SLC24A2: variants seen among roughly 807,000 people sequenced by gnomAD.
SLC24A2 encodes the protein sodium/potassium/calcium exchanger 2.
A neutral mutation model predicts 62.0 loss-of-function variants in SLC24A2; 36 were observed. That is an observed-to-expected ratio of 0.58 (90% CI 0.44 to 0.77). SLC24A2 has a LOEUF of 0.77. Ranked by LOEUF, SLC24A2 falls within the 30% of genes least tolerant of loss-of-function variation. The probability of loss-of-function intolerance (pLI) is 0.00; values close to 1 mark genes in which losing one functional copy is unlikely to be tolerated. For missense variants in SLC24A2, 846 were observed against 817.9 expected, an observed-to-expected ratio of 1.03 and a Z score of -0.42; for synonymous variants, 358 against 294.0, an observed-to-expected ratio of 1.22 and a Z score of -2.23.
the SLC24A2 span, among the ~76,000 whole-genome samples, chr9:20,149,241 G>T: frequency 6.6e-6 from 1 of 151,984 alleles, no homozygotes; most frequent in Non-Finnish European, 1.5e-5. Context: ...TCTAATCTCA[G>T]TCCAGTTTGG....
the SLC24A2 span, among the ~76,000 whole-genome samples, chr9:19,830,089 GT>G: frequency 5.9e-5 from 9 of 152,010 alleles, no homozygotes; most frequent in Non-Finnish European, 1.3e-4. Flanking sequence ...CGGTGGATGA[GT>G]TTTTCTTGTA....
At chr9:19,934,612 C>A in the SLC24A2 span, among the ~76,000 whole-genome samples, 1 of 152,228 alleles carries the variant, frequency 6.6e-6, no homozygotes, top group Non-Finnish European at 1.5e-5. This position sits in a 1 kb window ranked among gnomAD's most constrained non-coding sequence, Gnocchi z 4.1. Context: ...AACAGGCAGC[C>A]AGCACCTCCT....
At chr9:19,683,157 T>G (rs967688859) in intron 2 of SLC24A2, among the ~76,000 whole-genome samples, 10 of 152,252 alleles carry the variant, frequency 6.6e-5, no homozygotes, top group Middle Eastern at 3.4e-3. Flanking sequence ...GTACATTAAC[T>G]ATTGAACACT....
At chr9:19,657,362 T>C (rs1046594480) in intron 2 of SLC24A2, among the ~76,000 whole-genome samples, 3 of 152,186 alleles carry the variant, frequency 2.0e-5, no homozygotes, top group African/African-American at 7.2e-5. Flanking sequence ...TCTCTGTGTA[T>C]TCTTTTTTTC....
chr9:20,009,118 G>T, the SLC24A2 span, among the ~76,000 whole-genome samples: 1 of 152,142 alleles, frequency 6.6e-6, no homozygotes, highest in Non-Finnish European at 1.5e-5. Flanking sequence ...TCTATAGTGG[G>T]AAAAGTGAGT....
chr9:19,698,816 AC>A (rs1820271245), intron 2 of SLC24A2, among the ~76,000 whole-genome samples: 2 of 152,108 alleles, frequency 1.3e-5, no homozygotes, highest in East Asian at 1.9e-4. Context: ...ACCCATAGAG[AC>A]CTTTTGTATG....
chr9:19,618,386 A>T (rs1376668348), intron 4 of SLC24A2, among the ~76,000 whole-genome samples: 1 of 152,206 alleles, frequency 6.6e-6, no homozygotes, highest in Non-Finnish European at 1.5e-5. Context: ...TAGTAAACAG[A>T]TCCCAGGACC....
At chr9:19,653,877 G>T (rs891194789) in intron 2 of SLC24A2, among the ~76,000 whole-genome samples, 5 of 152,154 alleles carry the variant, frequency 3.3e-5, no homozygotes, top group Non-Finnish European at 2.9e-5. Context: ...AAGGTGTTTT[G>T]TGAGTGATTC....
intron 2 of SLC24A2, among the ~76,000 whole-genome samples, chr9:19,728,647 C>T (rs1425483274): frequency 6.6e-6 from 1 of 151,492 alleles, no homozygotes; most frequent in African/African-American, 2.4e-5. Flanking sequence ...ATAACTGCTT[C>T]AAAAAAAATG....
chr9:19,882,951 A>G, the SLC24A2 span, among the ~76,000 whole-genome samples: 1 of 152,184 alleles, frequency 6.6e-6, no homozygotes, highest in South Asian at 2.1e-4. Flanking sequence ...AAATAATTGC[A>G]CTGTAAGAGA....
chr9:20,007,000 CTGTT>C, the SLC24A2 span, among the ~76,000 whole-genome samples: 3 of 152,138 alleles, frequency 2.0e-5, no homozygotes, highest in Admixed American at 2.0e-4. Flanking sequence ...TACTACATCA[CTGTT>C]TGTGTCAACA....
the SLC24A2 span, among the ~76,000 whole-genome samples, chr9:20,243,204 T>C: frequency 6.6e-6 from 1 of 152,190 alleles, no homozygotes; most frequent in Non-Finnish European, 1.5e-5. Flanking sequence ...TTTTGCACAA[T>C]TTTTAAAAAA....
At chr9:19,658,170 G>C (rs72501450) in intron 2 of SLC24A2, among the ~76,000 whole-genome samples, 271 of 152,290 alleles carry the variant, frequency 1.8e-3, no homozygotes, top group African/African-American at 6.1e-3. Flanking sequence ...CTTTCACTTG[G>C]GTTGATGACT....
At chr9:19,876,396 G>GTA in the SLC24A2 span, among the ~76,000 whole-genome samples, 1 of 150,262 alleles carries the variant, frequency 6.7e-6, no homozygotes, top group Admixed American at 6.6e-5. Context: ...GTGTGTGTGT[G>GTA]TGTGTGTACA....
At chr9:19,990,088 C>T in the SLC24A2 span, among the ~76,000 whole-genome samples, 1 of 152,082 alleles carries the variant, frequency 6.6e-6, no homozygotes, top group African/African-American at 2.4e-5. Context: ...TAAACATTTT[C>T]AATATTTTAG....
chr9:20,043,144 G>C, the SLC24A2 span, among the ~76,000 whole-genome samples: 1 of 152,178 alleles, frequency 6.6e-6, no homozygotes. Flanking sequence ...CATGTCGAAA[G>C]CTGAGACACG....
At chr9:19,687,875 T>A (rs1819930446) in intron 2 of SLC24A2, among the ~76,000 whole-genome samples, 1 of 152,116 alleles carries the variant, frequency 6.6e-6, no homozygotes, top group Non-Finnish European at 1.5e-5. Flanking sequence ...GTGCTTGCGT[T>A]ACTTAAATGT....
chr9:19,835,175 C>A, the SLC24A2 span, among the ~76,000 whole-genome samples: 1 of 152,134 alleles, frequency 6.6e-6, no homozygotes. Flanking sequence ...ACCTAATGAG[C>A]AAAATAACCA....
the SLC24A2 span, among the ~76,000 whole-genome samples, chr9:20,061,318 T>G: frequency 6.6e-6 from 1 of 151,712 alleles, no homozygotes; most frequent in Non-Finnish European, 1.5e-5. Flanking sequence ...AGAGTCTCAC[T>G]CTGTTGCCCA....
Sources: allele counts gnomAD v4.1 joint callset (sites outside exome capture counted in the v4.1 genomes callset), GRCh38; gene constraint gnomAD v4.1.1; non-coding constraint Gnocchi (gnomAD v3.1); transcripts MANE v1.5; gene names NCBI Gene and HGNC (gene_info 2026-07-23, HGNC 2026-07-21).